The following CNBD1 variants were observed in gnomAD, a reference collection of about 807,000 sequenced individuals.
CNBD1 encodes the protein cyclic nucleotide-binding domain-containing protein 1.
A neutral mutation model predicts 54.4 loss-of-function variants in CNBD1; 71 were observed. The ratio of observed to expected loss-of-function variants is 1.30; its 90% CI spans 1.08 to 1.59. The LOEUF (loss-of-function observed/expected upper bound fraction) is 1.59, where lower values mean the gene tolerates loss of function less well. Among genes scored for constraint, CNBD1 ranks in the 40% most tolerant of loss-of-function variants. The pLI is 0.00. For synonymous variants in CNBD1, 182 were observed against 170.7 expected (o/e 1.07, Z -0.51); for missense variants, 659 against 518.0 (o/e 1.27, Z -2.64).
At chr8:87,276,316 A>G (rs1808479268) in intron 6 of CNBD1, among the ~76,000 whole-genome samples, 1 of 151,856 alleles carries the variant, frequency 6.6e-6, no homozygotes, top group South Asian at 2.1e-4. Flanking sequence ...AAGGGAAAAA[A>G]TATCAAAATG....
chr8:87,312,764 T>C (rs1410497182), intron 8 of CNBD1, among the ~76,000 whole-genome samples: 1 of 152,012 alleles, frequency 6.6e-6, no homozygotes, highest in Admixed American at 6.6e-5. Flanking sequence ...CAGCTAGGAA[T>C]ATTCCATAAA....
chr8:87,377,016 T>A (rs57650302), intron 10 of CNBD1, among the ~76,000 whole-genome samples: 8,752 of 149,010 alleles, frequency 0.059, 773 homozygotes, highest in African/African-American at 0.2. Context: ...AAATTTATTT[T>A]TTTTCTTTTT....
chr8:86,882,533 G>T (rs1808620677), intron 1 of CNBD1, among the ~76,000 whole-genome samples: 1 of 152,128 alleles, frequency 6.6e-6, no homozygotes, highest in Non-Finnish European at 1.5e-5. Flanking sequence ...ATGCTGGTGA[G>T]GTTGTAGAGA....
chr8:86,991,194 G>C (rs957129477), intron 4 of CNBD1, among the ~76,000 whole-genome samples: 1 of 152,022 alleles, frequency 6.6e-6, no homozygotes, highest in Non-Finnish European at 1.5e-5. Context: ...TGATTGCTCT[G>C]TCTACGATTC....
intron 4 of CNBD1, among the ~76,000 whole-genome samples, chr8:86,951,688 G>T (rs1328430816): frequency 9.0e-6 from 1 of 111,380 alleles, no homozygotes; most frequent in South Asian, 3.1e-4. Flanking sequence ...AACAACAAAA[G>T]ACATCTTGTT....
intron 4 of CNBD1, among the ~76,000 whole-genome samples, chr8:86,996,076 C>T (rs1808864066): frequency 6.6e-6 from 1 of 152,106 alleles, no homozygotes; most frequent in Non-Finnish European, 1.5e-5. Context: ...GACTGATTTC[C>T]ACCTGGTAAT....
chr8:87,428,380 C>T (rs1808086371), intron 2 of CNBD1, among the ~76,000 whole-genome samples: 1 of 152,002 alleles, frequency 6.6e-6, no homozygotes, highest in Non-Finnish European at 1.5e-5. Flanking sequence ...ATGGGTTGGT[C>T]TGGTTGTCTG....
intron 2 of CNBD1, among the ~76,000 whole-genome samples, chr8:87,400,146 A>C (rs913298564): frequency 6.6e-6 from 1 of 151,976 alleles, no homozygotes; most frequent in Admixed American, 6.6e-5. Context: ...GAGGATTCTC[A>C]TAGATTTTGT....
intron 3 of CNBD1, among the ~76,000 whole-genome samples, chr8:86,918,796 C>A (rs1586134200): frequency 1.9e-5 from 2 of 107,902 alleles, no homozygotes; most frequent in Non-Finnish European, 2.0e-5. Context: ...TGCTATCTTT[C>A]TTTAAAAAAA....
intron 8 of CNBD1, among the ~76,000 whole-genome samples, chr8:87,328,563 A>G (rs1308329358): frequency 6.6e-6 from 1 of 151,584 alleles, no homozygotes; most frequent in Non-Finnish European, 1.5e-5. Flanking sequence ...CTTCTTTTTT[A>G]TCAAGATTGT....
intron 5 of CNBD1, among the ~76,000 whole-genome samples, chr8:87,216,868 GAT>G (rs1814223006): frequency 6.6e-6 from 1 of 152,156 alleles, no homozygotes; most frequent in Non-Finnish European, 1.5e-5. Flanking sequence ...GGCATTAATT[GAT>G]ACAGGTTTTG....
chr8:87,291,653 G>A (rs990636363), intron 8 of CNBD1, among the ~76,000 whole-genome samples: 1 of 151,908 alleles, frequency 6.6e-6, no homozygotes, highest in Non-Finnish European at 1.5e-5. Context: ...TATTTTTTGG[G>A]GTGAGGGGGC....
intron 2 of CNBD1, among the ~76,000 whole-genome samples, chr8:87,419,697 G>A (rs1807895557): frequency 6.6e-6 from 1 of 151,782 alleles, no homozygotes; most frequent in South Asian, 2.1e-4. Flanking sequence ...ATGTGACAAA[G>A]TTTGTCTATT....
intron 4 of CNBD1, among the ~76,000 whole-genome samples, chr8:87,051,671 A>C (rs950868611): frequency 1.3e-5 from 2 of 152,232 alleles, no homozygotes; most frequent in Non-Finnish European, 2.9e-5. Flanking sequence ...TCCTTAAGGC[A>C]CAGATCGCTC....
chr8:87,327,736 G>A (rs1379338043), intron 8 of CNBD1, among the ~76,000 whole-genome samples: 1 of 152,138 alleles, frequency 6.6e-6, no homozygotes, highest in Non-Finnish European at 1.5e-5. Context: ...CGGTACCTCA[G>A]ATGGAAATGC....
At chr8:87,276,507 A>G (rs773638302) in intron 6 of CNBD1, among the ~76,000 whole-genome samples, 33 of 151,970 alleles carry the variant, frequency 2.2e-4, no homozygotes, top group Non-Finnish European at 4.0e-4. Context: ...CAAGCAAGAA[A>G]AAACAGTCCA....
intron 4 of CNBD1, among the ~76,000 whole-genome samples, chr8:87,106,590 A>G (rs1811542095): frequency 6.6e-6 from 1 of 152,182 alleles, no homozygotes. Context: ...TTCTAGAGCC[A>G]TCTTGAACTT....
chr8:87,382,602 T>G lies in CNBD1; in HGVS notation c.1304-18T>G. The G allele has an allele frequency of 6.5e-7, 1 of 1,537,012 alleles. No homozygotes were observed. The highest frequency in any genetic ancestry group is 8.8e-7 in the Non-Finnish European group (1 of 1,135,104). ...TATTTATTATGTAACTTCTTGTTTGTTTGTTTGCCTTTTGCAGTGGCCTAG... is the reference window on the plus strand; with the variant it reads ...TATTTATTATGTAACTTCTTGTTTGGTTGTTTGCCTTTTGCAGTGGCCTAG... On this transcript the variant is annotated intron_variant, in intron 10 of 10. Transcript: ENST00000518476.
chr8:86,995,711 TGAGA>T (rs1243943097), intron 4 of CNBD1, among the ~76,000 whole-genome samples: 3 of 72,108 alleles, frequency 4.2e-5, no homozygotes, highest in Non-Finnish European at 6.6e-5. Flanking sequence ...TGTGTGTGTG[TGAGA>T]GAGAGAGAGA....
Sources: gnomAD v4.1 joint callset for allele counts (sites outside exome capture counted in the v4.1 genomes callset) on GRCh38, gnomAD v4.1.1 for gene constraint, MANE v1.5 for transcripts, NCBI Gene and HGNC (gene_info 2026-07-23, HGNC 2026-07-21) for gene names.